FMN1: variants seen among roughly 807,000 people sequenced by gnomAD.
FMN1 encodes the protein formin-1.
Under a neutral mutation model 132.4 loss-of-function variants are expected in FMN1, and 110 were observed. The observed-to-expected ratio is 0.83, with a 90% CI of 0.71 to 0.97. FMN1 has a LOEUF of 0.97. FMN1 is among the 50% of genes least tolerant of loss of function. The pLI is 0.00. For missense variants in FMN1, 1,792 were observed against 1,705.3 expected, an observed-to-expected ratio of 1.05 and a Z score of -0.90; for synonymous variants, 722 against 651.7, an observed-to-expected ratio of 1.11 and a Z score of -1.64.
chr15:32,981,696 C>A (rs2032689801), intron 7 of FMN1, among the ~76,000 whole-genome samples: 1 of 151,880 alleles, frequency 6.6e-6, no homozygotes, highest in Non-Finnish European at 1.5e-5. Flanking sequence ...AGAGTTCTTA[C>A]ATATGCCATC....
intron 16 of FMN1, among the ~76,000 whole-genome samples, chr15:32,880,479 T>C (rs2059743302): frequency 6.6e-6 from 1 of 152,174 alleles, no homozygotes. Context: ...TCTTTCAATG[T>C]CTGGCTGCCA....
intron 4 of FMN1, among the ~76,000 whole-genome samples, chr15:33,121,121 A>G (rs1312596278): frequency 7.7e-6 from 1 of 129,898 alleles, no homozygotes; most frequent in Admixed American, 8.1e-5. Context: ...AGAGTATACA[A>G]TACCCCATCT....
chr15:33,142,421 C>T lies in FMN1; in HGVS notation c.1867+10627G>A, dbSNP rs144819726. Among the ~76,000 whole-genome samples the T allele has an allele frequency of 4.6e-5, 7 of 152,262 alleles. No homozygotes were observed. In the East Asian group the frequency reaches 1.2e-3, roughly 25 times the overall value. On this transcript the variant is annotated intron_variant, in intron 4 of 20. Coordinates refer to ENST00000616417, the MANE Select transcript of FMN1 (RefSeq NM_001277313.2). ...TGTGATTCTGTCACCTAACACCTCTCGCTGTTTCAATTTTTCTCTAAATTT... is the reference window on the plus strand; with the variant it reads ...TGTGATTCTGTCACCTAACACCTCTTGCTGTTTCAATTTTTCTCTAAATTT...
At chr15:32,942,210 T>G (rs1315781121) in intron 9 of FMN1, among the ~76,000 whole-genome samples, 1 of 152,238 alleles carries the variant, frequency 6.6e-6, no homozygotes, top group Non-Finnish European at 1.5e-5. Flanking sequence ...ACCTGTACAT[T>G]AAGCCAGTAT....
chr15:32,813,032 G>A lies in FMN1; in HGVS notation c.3929-8700C>T, dbSNP rs571843538. On this transcript the variant is annotated intron_variant, in intron 17 of 20. Transcript: ENST00000616417. Reference sequence around the variant, plus strand: ...TTGTGTCTGTGCTGAACATATACACGCTTTTTTTTTCCTTGTCATTCCCTA... The same window carrying A: ...TTGTGTCTGTGCTGAACATATACACACTTTTTTTTTCCTTGTCATTCCCTA... Among the ~76,000 whole-genome samples the A allele has an allele frequency of 7.2e-5, 11 of 152,158 alleles. No homozygotes were observed. In the South Asian group the frequency reaches 2.1e-3, roughly 29 times the overall value.
intron 17 of FMN1, among the ~76,000 whole-genome samples, chr15:32,821,695 C>T (rs532115544): frequency 1.8e-4 from 28 of 152,186 alleles, no homozygotes; most frequent in African/African-American, 6.5e-4. Context: ...CATGATCCAC[C>T]TGCCTCAGCC....
intron 17 of FMN1, among the ~76,000 whole-genome samples, chr15:32,844,843 G>GT (rs1157441152): frequency 1.3e-5 from 2 of 152,206 alleles, no homozygotes; most frequent in South Asian, 2.1e-4. Flanking sequence ...ACAAAATCAC[G>GT]TAACAACAGC....
At chr15:33,081,226 T>C (rs888688601) in intron 5 of FMN1, among the ~76,000 whole-genome samples, 8 of 152,156 alleles carry the variant, frequency 5.3e-5, no homozygotes, top group Non-Finnish European at 1.0e-4. Context: ...TCTTCTACCA[T>C]ACCCCCACCT....
intron 16 of FMN1, among the ~76,000 whole-genome samples, chr15:32,887,522 A>G (rs2059924221): frequency 6.6e-6 from 1 of 152,254 alleles, no homozygotes; most frequent in South Asian, 2.1e-4. Flanking sequence ...CTAATTAAAA[A>G]TGTAAATTAA....
intron 4 of FMN1, among the ~76,000 whole-genome samples, chr15:33,110,715 AAC>A (rs71117109): frequency 0.02 from 3,100 of 152,080 alleles, 41 homozygotes; most frequent in Non-Finnish European, 0.029. Flanking sequence ...TTTGATGACT[AAC>A]AGTCTTTTAT....
intron 6 of FMN1, among the ~76,000 whole-genome samples, chr15:33,033,443 T>C (rs1469991343): frequency 1.3e-5 from 2 of 152,164 alleles, no homozygotes; most frequent in African/African-American, 4.8e-5. Context: ...CTAGAGGTGG[T>C]TGTCCACTTT....
chr15:32,901,255 T>C (rs2060288909), intron 13 of FMN1, among the ~76,000 whole-genome samples: 2 of 152,252 alleles, frequency 1.3e-5, no homozygotes, highest in African/African-American at 4.8e-5. Flanking sequence ...TGTATAATTA[T>C]ATTTCAGTAA....
At chr15:32,975,600 G>A (rs201850489) in intron 7 of FMN1, among the ~76,000 whole-genome samples, 4 of 152,050 alleles carry the variant, frequency 2.6e-5, no homozygotes, top group East Asian at 1.9e-4. Context: ...TACTTGCTCC[G>A]CTTTTGGACT....
At chr15:32,890,374 T>C (rs1356334399) in intron 15 of FMN1, among the ~76,000 whole-genome samples, 1 of 152,224 alleles carries the variant, frequency 6.6e-6, no homozygotes, top group Non-Finnish European at 1.5e-5. Flanking sequence ...ACTGTACAAG[T>C]TTACATTCCC....
rs74650032 is a variant in FMN1 at position 32,922,925 on chromosome 15, T to C, written c.3226+3249A>G. Among the ~76,000 whole-genome samples, 105 of 152,298 alleles carry C rather than the reference T, an allele frequency of 6.9e-4. 2 individuals are homozygous for C. In the East Asian group the frequency reaches 0.015, roughly 22 times the overall value. ...CAGAGTGATGGAAATGACATTTTAATGGGGAAAATGGCAGGTAGAGGCAAA... is the reference window on the plus strand; with the variant it reads ...CAGAGTGATGGAAATGACATTTTAACGGGGAAAATGGCAGGTAGAGGCAAA... On this transcript the variant is annotated intron_variant, in intron 10 of 20. Transcript: ENST00000616417.
At chr15:33,069,308 C>T (rs953542850) in intron 5 of FMN1, among the ~76,000 whole-genome samples, 1 of 152,196 alleles carries the variant, frequency 6.6e-6, no homozygotes, top group East Asian at 1.9e-4. Flanking sequence ...TACCTGAAGG[C>T]CTCAAGTGTT....
At chr15:32,987,406 C>T (rs2033135916) in intron 7 of FMN1, among the ~76,000 whole-genome samples, 1 of 152,122 alleles carries the variant, frequency 6.6e-6, no homozygotes, top group African/African-American at 2.4e-5. Flanking sequence ...TAATTACAAA[C>T]TACTTCACAC....
intron 4 of FMN1, among the ~76,000 whole-genome samples, chr15:33,126,491 A>T (rs1390809353): frequency 6.6e-6 from 1 of 152,180 alleles, no homozygotes; most frequent in Non-Finnish European, 1.5e-5. Context: ...AAGACAGACC[A>T]ACTCTACATC....
At chr15:32,957,310 T>TTG (rs2029905256) in intron 9 of FMN1, among the ~76,000 whole-genome samples, 1 of 145,078 alleles carries the variant, frequency 6.9e-6, no homozygotes, top group South Asian at 2.2e-4. Context: ...TTTTTTTTTT[T>TTG]TTTTTTTTTT....
Sources: allele counts gnomAD v4.1 joint callset (sites outside exome capture counted in the v4.1 genomes callset), GRCh38; gene constraint gnomAD v4.1.1; transcripts MANE v1.5; gene names NCBI Gene and HGNC (gene_info 2026-07-23, HGNC 2026-07-21).